MRPL13: variants seen among roughly 807,000 people sequenced by gnomAD.
The protein encoded by MRPL13 is large ribosomal subunit protein uL13m.
Under a neutral mutation model 29.0 loss-of-function variants are expected in MRPL13, and 33 were observed. That is an observed-to-expected ratio of 1.14 (90% CI 0.86 to 1.52). MRPL13 has a LOEUF of 1.52. Ranked by LOEUF, MRPL13 falls within the 40% of genes most tolerant of loss-of-function variation. The pLI, the probability that MRPL13 is intolerant of heterozygous loss-of-function variation, is 0.00. For synonymous variants in MRPL13, 77 were observed against 68.4 expected, an observed-to-expected ratio of 1.13 and a Z score of -0.62; for missense variants, 227 against 216.7, an observed-to-expected ratio of 1.05 and a Z score of -0.30.
intron 6 of MRPL13, among the ~76,000 whole-genome samples, chr8:120,403,687 T>C (rs1214965143): frequency 2.6e-5 from 4 of 152,178 alleles, no homozygotes; most frequent in African/African-American, 7.2e-5. Context: ...ATGTAATAGT[T>C]TGAGTTCCTT....
chr8:120,430,238 G>T (rs1014641371), intron 3 of MRPL13, among the ~76,000 whole-genome samples: 1 of 152,132 alleles, frequency 6.6e-6, no homozygotes, highest in Non-Finnish European at 1.5e-5. Flanking sequence ...CTCCAGCCAG[G>T]ATGACAGAGC....
rs1348585839 is a variant in MRPL13 at position 120,406,589 on chromosome 8, G to A, written c.515+7402C>T. ...TGTGTGTGTGTGTGTGTGTGTGTGT[G>A]TGTAATTGTTATCTAATACAGCTAT... On this transcript the variant is annotated intron_variant, in intron 6 of 6. Coordinates refer to ENST00000306185, the MANE Select transcript of MRPL13 (RefSeq NM_014078.6). Among the ~76,000 whole-genome samples the A allele has an allele frequency of 7.4e-4, 108 of 145,938 alleles. 1 individual carries two copies. Among genetic ancestry groups the A allele is most frequent in the African/African-American group, 2.6e-3 (103 of 39,092 alleles).
chr8:120,414,908 A>C (rs924372915), intron 5 of MRPL13: 3 of 152,234 alleles, frequency 2.0e-5, no homozygotes, highest in Non-Finnish European at 4.4e-5. Flanking sequence ...CCAACAGTAG[A>C]CACAATGAAC....
rs935571643 is a variant in MRPL13, at chr8:120,425,169, C to T, written c.306+137G>A. The T allele has an allele frequency of 9.0e-6, 5 of 556,754 alleles. No homozygotes were observed. In the East Asian group the frequency reaches 9.1e-5, roughly 10 times the overall value. The allele number at this position is 556,754 out of a possible 1,614,324, so 34.5% of individuals were successfully genotyped here. On this transcript the variant is annotated intron_variant, in intron 4 of 6. Coordinates refer to ENST00000306185, the MANE Select transcript of MRPL13 (RefSeq NM_014078.6). ...ATATTAAAAATAATACTTATCAAAA[C>T]GTGTGTGATACAGCTAAAGTGAAGA... is the stretch of plus-strand genomic sequence containing the variant.
chr8:120,416,351 G>A (rs931293969), intron 5 of MRPL13, among the ~76,000 whole-genome samples: 75 of 152,174 alleles, frequency 4.9e-4, no homozygotes, highest in African/African-American at 1.6e-3. Flanking sequence ...AAAATTAGCC[G>A]GGCGTGGTGG....
chr8:120,444,972 C>A (rs2130493776), intron 1 of MRPL13, 96 bp downstream of exon 1: 1 of 1,564,066 alleles, frequency 6.4e-7, no homozygotes, highest in African/African-American at 1.4e-5. Context: ...TCTCGGCTTC[C>A]CTGCCGCCCC....
chr8:120,432,138 G>C lies in MRPL13; in HGVS notation c.152-15C>G, dbSNP rs764034274. The C allele has an allele frequency of 1.3e-6, 2 of 1,536,120 alleles. No homozygotes were observed. Among genetic ancestry groups the C allele is most frequent in the Non-Finnish European group, 1.7e-6 (2 of 1,144,070 alleles). On this transcript the variant is annotated splice_polypyrimidine_tract_variant and intron_variant, in intron 2 of 6. Coordinates refer to ENST00000306185, the MANE Select transcript of MRPL13 (RefSeq NM_014078.6). Reference sequence around the variant, plus strand: ...CCCACAGTCACCTACATTTTAAAAAGAAACAAGATTTTGTAAGAAAAATAA... The same window carrying C: ...CCCACAGTCACCTACATTTTAAAAACAAACAAGATTTTGTAAGAAAAATAA...
intron 2 of MRPL13, among the ~76,000 whole-genome samples, chr8:120,435,159 T>C (rs1050738933): frequency 2.0e-5 from 3 of 152,162 alleles, no homozygotes; most frequent in Non-Finnish European, 4.4e-5. Flanking sequence ...ACTAATGCCA[T>C]GTACCATTCT....
chr8:120,438,033 G>A (rs1468226501), intron 2 of MRPL13, among the ~76,000 whole-genome samples: 1 of 152,046 alleles, frequency 6.6e-6, no homozygotes, highest in African/African-American at 2.4e-5. Flanking sequence ...ACATCTTCTG[G>A]ACACGAGAAG....
intron 2 of MRPL13, among the ~76,000 whole-genome samples, chr8:120,436,027 T>C (rs919584556): frequency 4.5e-4 from 68 of 152,182 alleles, no homozygotes; most frequent in African/African-American, 1.6e-3. Context: ...TTCTTGTTAA[T>C]CAATCTTATG....
intron 2 of MRPL13, among the ~76,000 whole-genome samples, chr8:120,436,400 G>A (rs1586927975): frequency 6.6e-6 from 1 of 152,194 alleles, no homozygotes; most frequent in East Asian, 1.9e-4. Flanking sequence ...TCTCACTGCG[G>A]TTTTAATTTG....
intron 3 of MRPL13, among the ~76,000 whole-genome samples, chr8:120,431,067 T>A (rs1812990747): frequency 6.6e-6 from 1 of 152,156 alleles, no homozygotes; most frequent in East Asian, 1.9e-4. Context: ...ATATAAAGAT[T>A]TCATGAATGT....
chr8:120,432,206 C>A, intron 2 of MRPL13, 83 bp from the exon 3 acceptor site: 1 of 985,284 alleles, frequency 1.0e-6, no homozygotes, highest in Non-Finnish European at 1.5e-6. Context: ...TAAAGCTTAT[C>A]AAAGTTCAAA....
intron 3 of MRPL13, among the ~76,000 whole-genome samples, chr8:120,427,236 G>A (rs1812940385): frequency 6.6e-6 from 1 of 152,098 alleles, no homozygotes; most frequent in African/African-American, 2.4e-5. Context: ...TAAATATTCA[G>A]CTGCATATCA....
At chr8:120,434,658 GC>G (rs1286543385) in intron 2 of MRPL13, among the ~76,000 whole-genome samples, 4 of 152,060 alleles carry the variant, frequency 2.6e-5, no homozygotes, top group Non-Finnish European at 4.4e-5. Flanking sequence ...GTCCTTCTCA[GC>G]AAACTGCTCA....
At position 120,444,677 on chromosome 8, in the gene MRPL13, T is replaced by C. The variant is rs546424302; in HGVS notation, c.27+391A>G. 2.0e-5 allele frequency among the ~76,000 whole-genome samples: 3 copies of C among 152,246 alleles called. 1 individual carries two copies. In the South Asian group the frequency reaches 6.2e-4, roughly 32 times the overall value. On this transcript the variant is annotated intron_variant, in intron 1 of 6. Transcript: ENST00000306185. ...CTCGACCCAGCAGCCAGAGTGCTCCTTTTGACACCAGGTCAGATCCTGTTA... is the reference window on the plus strand; with the variant it reads ...CTCGACCCAGCAGCCAGAGTGCTCCCTTTGACACCAGGTCAGATCCTGTTA...
chr8:120,425,201 A>C, intron 4 of MRPL13, 105 bp downstream of exon 4: 1 of 801,878 alleles, frequency 1.2e-6, no homozygotes, highest in East Asian at 2.6e-5. Context: ...AAGAATTTAT[A>C]TCCTTGAATG....
chr8:120,442,670 A>G (rs1813137335), intron 2 of MRPL13, among the ~76,000 whole-genome samples: 2 of 152,200 alleles, frequency 1.3e-5, no homozygotes, highest in Admixed American at 1.3e-4. Flanking sequence ...CTGTAAGCAG[A>G]AATCTTCTAG....
intron 5 of MRPL13, chr8:120,414,672 T>C (rs1812784306): frequency 6.6e-6 from 1 of 152,254 alleles, no homozygotes; most frequent in Non-Finnish European, 1.5e-5. Flanking sequence ...ACTCCTTTGC[T>C]AAATTTGCTT....
Sources: allele counts gnomAD v4.1 joint callset (sites outside exome capture counted in the v4.1 genomes callset), GRCh38; gene constraint gnomAD v4.1.1; transcripts MANE v1.5; gene names NCBI Gene and HGNC (gene_info 2026-07-23, HGNC 2026-07-21).